FCHO2: variants seen among roughly 807,000 people sequenced by gnomAD.
FCHO2 encodes FCH and mu domain containing endocytic adaptor 2.
In FCHO2, 43 loss-of-function variants were observed where a neutral mutation model predicts 114.1. That is an observed-to-expected ratio of 0.38 (90% CI 0.30 to 0.49). FCHO2 has a LOEUF of 0.49. FCHO2 is among the 20% of genes least tolerant of loss of function. The probability of loss-of-function intolerance (pLI) is 0.97; values close to 1 mark genes in which losing one functional copy is unlikely to be tolerated. For missense variants in FCHO2, 807 were observed against 950.4 expected (o/e 0.85, Z 1.98); for synonymous variants, 293 against 315.2 (o/e 0.93, Z 0.75).
chr5:72,996,992 G>C, intron 5 of FCHO2: 1 of 1,602,596 alleles, frequency 6.2e-7, no homozygotes, highest in Non-Finnish European at 8.5e-7. Flanking sequence ...GAGCTTCTCC[G>C]CCCTTTTGCG....
rs142979976 is a variant in FCHO2 at position 72,978,022 on chromosome 5, C to T, written c.125+9433C>T. ...TACCATGCTGTTTTGGTTACTGAAGCATTGTAGTGTAGTTTGAAGTGATGC... is the reference window on the plus strand; with the variant it reads ...TACCATGCTGTTTTGGTTACTGAAGTATTGTAGTGTAGTTTGAAGTGATGC... On this transcript the variant is annotated intron_variant, in intron 2 of 25. Transcript: ENST00000430046. 1.5e-3 allele frequency among the ~76,000 whole-genome samples: 232 copies of T among 152,232 alleles called. 1 individual carries two copies. Among genetic ancestry groups the T allele is most frequent in the African/African-American group, 5.4e-3 (225 of 41,554 alleles).
chr5:72,996,842 G>T, intron 5 of FCHO2: 5 of 993,030 alleles, frequency 5.0e-6, no homozygotes, highest in Non-Finnish European at 7.5e-6. Context: ...CCCGGCAACG[G>T]GGGGCTGGCG....
At chr5:72,970,518 A>C (rs1020281682) in intron 2 of FCHO2, among the ~76,000 whole-genome samples, 6 of 151,758 alleles carry the variant, frequency 4.0e-5, no homozygotes, top group Non-Finnish European at 7.4e-5. Context: ...CAAAAGAAGT[A>C]AAATATAAAT....
chr5:73,002,875 G>C (rs1209250794), intron 5 of FCHO2, among the ~76,000 whole-genome samples: 1 of 151,884 alleles, frequency 6.6e-6, no homozygotes, highest in African/African-American at 2.4e-5. Flanking sequence ...GAGAAGGTGT[G>C]GTATCTTATT....
chr5:72,983,802 G>T (rs535626127), intron 2 of FCHO2, among the ~76,000 whole-genome samples: 92 of 150,976 alleles, frequency 6.1e-4, no homozygotes, highest in African/African-American at 2.0e-3. Flanking sequence ...GCTGTTTTCG[G>T]TTTTTTTTCT....
intron 6 of FCHO2, among the ~76,000 whole-genome samples, chr5:73,012,805 T>C (rs565026872): frequency 6.6e-6 from 1 of 152,240 alleles, no homozygotes; most frequent in East Asian, 1.9e-4. Context: ...TTTTGAGGAA[T>C]TGTGATAGTT....
At position 73,087,592 on chromosome 5, in the gene FCHO2, C is replaced by T; in HGVS notation, c.2249C>T (p.Ser750Phe). The stretch of plus-strand genomic sequence containing the variant: ...TGCTTTATTCTTTTCTTTGTAGGTT[C>T]TGGGTCCCTCCGAGCAAAATTTGAT... ...SISEKSENGG[S>F]GSLRAKFDLS... Residue 750 changes from serine to phenylalanine, a missense_variant, in exon 25 of 26, where the codon TCT (serine) becomes TTT (phenylalanine). By Grantham distance (155) the Ser-to-Phe change is radical. Transcript: ENST00000430046. The T allele has an allele frequency of 1.9e-6, 3 of 1,613,668 alleles. No homozygotes were observed. The highest frequency in any genetic ancestry group is 2.2e-5 in the South Asian group (2 of 91,064).
At chr5:73,004,495 A>G (rs1754609964) in intron 5 of FCHO2, among the ~76,000 whole-genome samples, 1 of 152,342 alleles carries the variant, frequency 6.6e-6, no homozygotes, top group South Asian at 2.1e-4. Flanking sequence ...TATTACAGCA[A>G]AATATCATGA....
chr5:73,074,891 G>A (rs754338543), intron 20 of FCHO2, 38 bp downstream of exon 20: 1 of 1,502,314 alleles, frequency 6.7e-7, no homozygotes, highest in Non-Finnish European at 9.1e-7. Context: ...GTGTATGTAT[G>A]TGTGTTGGGT....
chr5:73,072,031 AT>A (rs569294882), intron 19 of FCHO2, among the ~76,000 whole-genome samples: 230 of 144,020 alleles, frequency 1.6e-3, no homozygotes, highest in Middle Eastern at 3.6e-3. Context: ...CTCAAGAGAC[AT>A]TTTTTTTTTT....
At chr5:72,990,345 A>G (rs990399240) in intron 3 of FCHO2, 133 bp from the exon 4 acceptor site, 46 of 654,084 alleles carry the variant, frequency 7.0e-5, no homozygotes, top group Non-Finnish European at 1.1e-4. Context: ...CATTTTATTC[A>G]TTATTTTAAT....
At chr5:73,061,464 TTTC>T (rs914157996) in intron 17 of FCHO2, among the ~76,000 whole-genome samples, 28 of 152,206 alleles carry the variant, frequency 1.8e-4, no homozygotes, top group African/African-American at 6.5e-4. Context: ...AGTTTTTTAT[TTTC>T]TTCTTCTTCA....
At chr5:72,996,970 C>A (rs772561394) in intron 5 of FCHO2, 2 of 1,607,698 alleles carry the variant, frequency 1.2e-6, no homozygotes, top group African/African-American at 1.3e-5. Flanking sequence ...TGGCCTTCGC[C>A]GCCAAGCTCT....
intron 6 of FCHO2, among the ~76,000 whole-genome samples, chr5:73,009,983 CTCTT>C (rs1294902786): frequency 6.6e-6 from 1 of 152,236 alleles, no homozygotes; most frequent in African/African-American, 2.4e-5. Flanking sequence ...GTCTCACCCT[CTCTT>C]TCTGTCATAC....
chr5:73,056,387 T>C (rs1757595317), intron 16 of FCHO2, among the ~76,000 whole-genome samples: 1 of 152,202 alleles, frequency 6.6e-6, no homozygotes, highest in Non-Finnish European at 1.5e-5. Context: ...TATTCGTCAT[T>C]ATAGTATCAT....
At position 73,081,861 on chromosome 5, in the gene FCHO2, A is replaced by T; in HGVS notation, c.2059A>T (p.Arg687Ter). The T allele has an allele frequency of 6.2e-7, 1 of 1,612,848 alleles. No individual in the cohort carries two copies. ...ATGTAGTGCTAGCACCACAGATCTT[A>T]GAGTGGATTATAAATACAATCCAGA... is the stretch of plus-strand genomic sequence containing the variant. ...WKCSASTTDL[R>*]VDYKYNPEAM... is the part of the protein sequence containing the mutation. Residue 687 changes from arginine (R) to a stop codon, truncating the protein, a stop_gained, in exon 23 of 26, where the codon AGA becomes TGA. Transcript: ENST00000430046. LOFTEE classifies it high-confidence loss of function.
At chr5:72,979,640 C>A (rs1753088391) in intron 2 of FCHO2, among the ~76,000 whole-genome samples, 1 of 151,808 alleles carries the variant, frequency 6.6e-6, no homozygotes, top group Admixed American at 6.6e-5. Context: ...ATCCGCCCGC[C>A]TCGGCCTCCC....
intron 9 of FCHO2, among the ~76,000 whole-genome samples, chr5:73,036,731 A>G (rs1408088331): frequency 6.6e-6 from 1 of 152,174 alleles, no homozygotes; most frequent in East Asian, 1.9e-4. Context: ...AAACAATAAA[A>G]TTATATTTTG....
At chr5:73,034,199 T>G (rs1413215015) in intron 8 of FCHO2, among the ~76,000 whole-genome samples, 1 of 152,246 alleles carries the variant, frequency 6.6e-6, no homozygotes, top group Non-Finnish European at 1.5e-5. Flanking sequence ...GTATTGAAGA[T>G]ACAGTGATGA....
Sources: gnomAD v4.1 joint callset for allele counts (sites outside exome capture counted in the v4.1 genomes callset) on GRCh38, gnomAD v4.1.1 for gene constraint, MANE v1.5 for transcripts, NCBI Gene and HGNC (gene_info 2026-07-23, HGNC 2026-07-21) for gene names.